Variants in PACS2 observed in about 807,000 individuals in gnomAD.
PACS2 encodes the protein PACS1-like protein.
PACS2 carries 36 observed loss-of-function variants against 113.0 expected under a neutral mutation model. The observed-to-expected ratio is 0.32, with a 90% CI of 0.24 to 0.42. The LOEUF (loss-of-function observed/expected upper bound fraction) is 0.42, where lower values mean the gene tolerates loss of function less well. Among genes scored for constraint, PACS2 ranks in the 10% least tolerant of loss-of-function variants. PACS2 has a pLI of 1.00. For missense variants in PACS2, 1,015 were observed against 1,239.5 expected (o/e 0.82, Z 2.72); for synonymous variants, 589 against 536.1 (o/e 1.10, Z -1.36).
In PACS2 at chr14:105,356,326, G is replaced by A. The variant is rs2060445399; in HGVS notation, c.423+1149G>A. On this transcript the variant is annotated intron_variant, in intron 4 of 24. Coordinates refer to ENST00000447393, the MANE Select transcript of PACS2 (RefSeq NM_001100913.3). The surrounding 1 kb of genome is among the most constrained non-coding windows in gnomAD (Gnocchi z 4.0). The stretch of plus-strand genomic sequence containing the variant: ...AGGAGATGGGAGCGTGGAGGGTACA[G>A]GAAGCAGCAGTGGCGTCCCGAGGCC... Among the ~76,000 whole-genome samples the A allele has an allele frequency of 6.6e-6, 1 of 152,230 alleles. No individual in the cohort carries two copies. The highest frequency in any genetic ancestry group is 2.4e-5 in the African/African-American group (1 of 41,470).
At chr14:105,306,027 T>A (rs2058178117) in intron 1 of PACS2, among the ~76,000 whole-genome samples, 1 of 152,190 alleles carries the variant, frequency 6.6e-6, no homozygotes, top group Non-Finnish European at 1.5e-5. Context: ...GGGCCCAGGC[T>A]GGGGGTGTGG....
At chr14:105,394,131 A>G (rs1398367616) in intron 24 of PACS2, 1 of 897,436 alleles carries the variant, frequency 1.1e-6, no homozygotes, top group Non-Finnish European at 1.3e-6. Flanking sequence ...CTTTTTGAGC[A>G]CGGGTCAGAT....
rs1243695248 is a variant in PACS2, at chr14:105,355,988, G to A, written c.423+811G>A. 6.6e-6 allele frequency among the ~76,000 whole-genome samples: 1 copy of A among 152,148 alleles called. No homozygotes were observed. Among genetic ancestry groups the A allele is most frequent in the Non-Finnish European group, 1.5e-5 (1 of 68,012 alleles). ...GGGCTGCGGGCGTGAGTGGTGCTTG[G>A]GGCATGTGAAGCTGGGTTGCTGCCT... On this transcript the variant is annotated intron_variant, in intron 4 of 24. Coordinates refer to ENST00000447393, the MANE Select transcript of PACS2 (RefSeq NM_001100913.3). The surrounding 1 kb of genome is among the most constrained non-coding windows in gnomAD (Gnocchi z 4.1).
At chr14:105,362,184 C>T (rs1395971974) in intron 4 of PACS2, among the ~76,000 whole-genome samples, 30 of 151,710 alleles carry the variant, frequency 2.0e-4, no homozygotes, top group Middle Eastern at 3.4e-3. Context: ...TTTGGGAGGC[C>T]ACGGTGGGCG....
intron 23 of PACS2, 29 bp downstream of exon 23, chr14:105,392,874 CG>C: frequency 6.6e-7 from 1 of 1,525,882 alleles, no homozygotes; most frequent in Non-Finnish European, 9.0e-7. Flanking sequence ...TAAGGCCACA[CG>C]GCGCAGAAGG....
chr14:105,370,278 C>T (rs10131756), intron 8 of PACS2: 5,958 of 123,564 alleles, frequency 0.048, 522 homozygotes, highest in African/African-American at 0.19. Flanking sequence ...CACCTGACAG[C>T]CCCCCACTAT....
Position 105,317,667 on chromosome 14 carries a change from G to C in PACS2, c.119+2630G>C, listed in dbSNP as rs1335900279. On this transcript the variant is annotated intron_variant, in intron 1 of 24. Transcript: ENST00000447393. This position sits in a 1 kb window ranked among gnomAD's most constrained non-coding sequence, Gnocchi z 4.2. ...AGTTTCAGCAGTTTCTTTAGAGATA[G>C]TCATCCTTTCTCGGCTGTGTTGAGG... 6.6e-6 allele frequency among the ~76,000 whole-genome samples: 1 copy of C among 151,790 alleles called. No individual in the cohort carries two copies. Among genetic ancestry groups the C allele is most frequent in the Non-Finnish European group, 1.5e-5 (1 of 67,992 alleles).
At chr14:105,319,159 G>C (rs1485109795) in intron 1 of PACS2, among the ~76,000 whole-genome samples, 1 of 151,010 alleles carries the variant, frequency 6.6e-6, no homozygotes, top group Non-Finnish European at 1.5e-5. Flanking sequence ...TGTTGGCCAG[G>C]ATGGTCTCGA....
intron 1 of PACS2, among the ~76,000 whole-genome samples, chr14:105,305,047 G>A (rs371185473): frequency 6.6e-6 from 1 of 152,196 alleles, no homozygotes; most frequent in South Asian, 2.1e-4. Context: ...TAGAGAGGTG[G>A]GGCCTTTGGG....
chr14:105,389,166 G>A (rs868958619), intron 19 of PACS2: 2 of 152,354 alleles, frequency 1.3e-5, no homozygotes, highest in African/African-American at 4.8e-5. Context: ...AAGACAGACG[G>A]GTCCCCTCAG....
chr14:105,319,546 C>A (rs1369371540), intron 1 of PACS2, among the ~76,000 whole-genome samples: 1 of 152,166 alleles, frequency 6.6e-6, no homozygotes, highest in African/African-American at 2.4e-5. Flanking sequence ...TCAAAGAAAT[C>A]AGTGATTTTA....
At chr14:105,368,265 GC>G in intron 6 of PACS2, 118 bp downstream of exon 6, 1 of 851,710 alleles carries the variant, frequency 1.2e-6, no homozygotes, top group South Asian at 1.5e-5. Flanking sequence ...CACGGGCCTG[GC>G]CCCTGGTTGG....
chr14:105,381,624 A>G (rs1431960249), intron 12 of PACS2, among the ~76,000 whole-genome samples: 1 of 152,062 alleles, frequency 6.6e-6, no homozygotes, highest in Non-Finnish European at 1.5e-5. Flanking sequence ...GGGTGAGCTC[A>G]GTCCTCACGG....
At chr14:105,363,473 A>T (rs587653080) in intron 4 of PACS2, among the ~76,000 whole-genome samples, 5 of 152,204 alleles carry the variant, frequency 3.3e-5, no homozygotes, top group Admixed American at 1.3e-4. Flanking sequence ...CTTTACTAAA[A>T]CCTCATGAAC....
chr14:105,302,529 T>C (rs2058071600), intron 1 of PACS2, among the ~76,000 whole-genome samples: 1 of 151,030 alleles, frequency 6.6e-6, no homozygotes, highest in African/African-American at 2.4e-5. Flanking sequence ...TGCTCTCATT[T>C]TTGTTAGATC....
intron 1 of PACS2, among the ~76,000 whole-genome samples, chr14:105,301,486 CA>C (rs2058024780): frequency 6.6e-6 from 1 of 151,286 alleles, no homozygotes; most frequent in African/African-American, 2.4e-5. Context: ...ACCTGGGACC[CA>C]ACCCCGGGCT....
At chr14:105,308,475 T>G (rs2058254478) in intron 1 of PACS2, among the ~76,000 whole-genome samples, 1 of 149,178 alleles carries the variant, frequency 6.7e-6, no homozygotes, top group South Asian at 2.1e-4. Context: ...CAGAGGCAGA[T>G]TCTGTCTTTT....
In PACS2 at chr14:105,385,639, G is replaced by A. The variant is rs587694227; in HGVS notation, c.2001-46G>A. 217 of 1,439,778 alleles carry A rather than the reference G, an allele frequency of 1.5e-4. No individual in the cohort carries two copies. In the African/African-American group the frequency reaches 2.8e-3, roughly 19 times the overall value. 89.2% of individuals were successfully genotyped at this position (1,439,778 alleles called of 1,614,324 possible). On this transcript the variant is annotated intron_variant, in intron 18 of 24. Coordinates refer to ENST00000447393, the MANE Select transcript of PACS2 (RefSeq NM_001100913.3). ...CGGCGGTCCCTGGAGGGGTCCTGAGGGCGTCGTAACGTGTCTGTTTTCTCT... is the reference window on the plus strand; with the variant it reads ...CGGCGGTCCCTGGAGGGGTCCTGAGAGCGTCGTAACGTGTCTGTTTTCTCT...
At chr14:105,326,808 G>A (rs2140881914) in intron 1 of PACS2, among the ~76,000 whole-genome samples, 1 of 152,290 alleles carries the variant, frequency 6.6e-6, no homozygotes, top group Non-Finnish European at 1.5e-5. Context: ...CTGCGGCCAG[G>A]ACTCTACTGT....
Sources: gnomAD v4.1 joint callset for allele counts (sites outside exome capture counted in the v4.1 genomes callset) on GRCh38, gnomAD v4.1.1 for gene constraint, Gnocchi (gnomAD v3.1) non-coding constraint, MANE v1.5 for transcripts, NCBI Gene and HGNC (gene_info 2026-07-23, HGNC 2026-07-21) for gene names.